The following CDYL2 variants were observed in gnomAD, a reference collection of about 807,000 sequenced individuals.
CDYL2 encodes chromodomain Y-like protein 2.
A neutral mutation model predicts 49.4 loss-of-function variants in CDYL2; 23 were observed. That is an observed-to-expected ratio of 0.47 (90% CI 0.34 to 0.66). The LOEUF (loss-of-function observed/expected upper bound fraction) is 0.66, where lower values mean the gene tolerates loss of function less well. Ranked by LOEUF, CDYL2 falls within the 30% of genes least tolerant of loss-of-function variation. The pLI is 0.01. For synonymous variants in CDYL2, 360 were observed against 268.8 expected, an observed-to-expected ratio of 1.34 and a Z score of -3.32; for missense variants, 678 against 656.4, an observed-to-expected ratio of 1.03 and a Z score of -0.36.
At chr16:80,641,930 A>ATC (rs1908111514) in intron 2 of CDYL2, among the ~76,000 whole-genome samples, 1 of 152,092 alleles carries the variant, frequency 6.6e-6, no homozygotes, top group African/African-American at 2.4e-5. Flanking sequence ...GAAAGAAATC[A>ATC]TCTGAAGGCA....
At chr16:80,773,670 A>T (rs1906983940) in intron 1 of CDYL2, among the ~76,000 whole-genome samples, 1 of 152,194 alleles carries the variant, frequency 6.6e-6, no homozygotes, top group Admixed American at 6.5e-5. Flanking sequence ...TTCATGTTTG[A>T]AAATTAAGAA....
rs370455214 is a variant in CDYL2, at chr16:80,760,926, G to T, written c.24+43224C>A. ...AAAAAGAAACATTAAGGGCCGGTGC[G>T]TCTGTGGATTTAATGCGCAAAGGTG... On this transcript the variant is annotated intron_variant, in intron 1 of 6. Coordinates refer to ENST00000570137, the MANE Select transcript of CDYL2 (RefSeq NM_152342.4). 4.5e-4 allele frequency among the ~76,000 whole-genome samples: 68 copies of T among 152,200 alleles called. No individual in the cohort carries two copies. In the Middle Eastern group the frequency reaches 0.01, roughly 23 times the overall value.
rs116142525 is a variant in CDYL2, at chr16:80,725,908, T to C, written c.25-40779A>G. 5.7e-3 allele frequency among the ~76,000 whole-genome samples: 872 copies of C among 152,294 alleles called. 7 individuals are homozygous for C. Among genetic ancestry groups the C allele is most frequent in the African/African-American group, 0.02 (826 of 41,554 alleles). ...CATTCAACCCACAGCTTCTAAGACA[T>C]TGGGGCATGAAGTTTTCATCTTCTG... On this transcript the variant is annotated intron_variant, in intron 1 of 6. Transcript: ENST00000570137.
rs1459337293 is a variant in CDYL2, at chr16:80,684,466, C to T, written c.616+72G>A. 2.8e-6 allele frequency: 4 copies of T among 1,430,032 alleles called. No homozygotes were observed. The African/African-American group carries it at 4.3e-5, about 15-fold the overall frequency. The allele number at this position is 1,430,032 out of a possible 1,614,324, so 88.6% of individuals were successfully genotyped here. ...ATGGAGGTGGGGGTCTTATGTATGT[C>T]CCTAGGCTACAGGCAGAGCTCCCCT... On this transcript the variant is annotated intron_variant, in intron 2 of 6. Coordinates refer to ENST00000570137, the MANE Select transcript of CDYL2 (RefSeq NM_152342.4).
intron 1 of CDYL2, among the ~76,000 whole-genome samples, chr16:80,700,585 G>C (rs1904295270): frequency 6.6e-6 from 1 of 152,152 alleles, no homozygotes; most frequent in Non-Finnish European, 1.5e-5. Context: ...TCACTAATCA[G>C]GGAAATGAAA....
intron 1 of CDYL2, among the ~76,000 whole-genome samples, chr16:80,690,999 T>C (rs1910392957): frequency 6.6e-6 from 1 of 152,062 alleles, no homozygotes; most frequent in Non-Finnish European, 1.5e-5. Context: ...TGGCACTGGA[T>C]TGAGAAATTG....
intron 1 of CDYL2, among the ~76,000 whole-genome samples, chr16:80,741,817 A>G (rs9921181): frequency 0.47 from 71,072 of 152,094 alleles, 18,351 homozygotes; most frequent in East Asian, 0.7. Context: ...GCATTCTCAT[A>G]CGGGGGAGCT....
At chr16:80,718,082 T>G (rs1270740849) in intron 1 of CDYL2, among the ~76,000 whole-genome samples, 1 of 152,148 alleles carries the variant, frequency 6.6e-6, no homozygotes, top group Non-Finnish European at 1.5e-5. Flanking sequence ...ATGTAGCAAC[T>G]GAGGTTCAGA....
At position 80,612,954 on chromosome 16, in the gene CDYL2, G is replaced by A. The variant is rs1005777826; in HGVS notation, c.1008-118C>T. 6.9e-6 allele frequency: 6 copies of A among 873,458 alleles called. No individual in the cohort carries two copies. Among genetic ancestry groups the A allele is most frequent in the South Asian group, 1.9e-5 (1 of 52,636 alleles). The allele number at this position is 873,458 out of a possible 1,614,324, so 54.1% of individuals were successfully genotyped here. On this transcript the variant is annotated intron_variant, in intron 4 of 6. Transcript: ENST00000570137. This position sits in a 1 kb window ranked among gnomAD's most constrained non-coding sequence, Gnocchi z 5.0. ...CCTCAGGTCGTCAGAGGTTAGAGGT[G>A]CCAGGCAAGGGCCTCATTGCCTGGA...
chr16:80,712,042 T>C (rs1904619537), intron 1 of CDYL2, among the ~76,000 whole-genome samples: 2 of 150,642 alleles, frequency 1.3e-5, no homozygotes, highest in South Asian at 4.2e-4. Context: ...TATATATATG[T>C]GTGTATATAG....
At chr16:80,668,134 C>A (rs1164567298) in intron 2 of CDYL2, among the ~76,000 whole-genome samples, 1 of 152,266 alleles carries the variant, frequency 6.6e-6, no homozygotes, top group Non-Finnish European at 1.5e-5. Context: ...CACAGAGGAA[C>A]AGTTAAGTCC....
In CDYL2 at chr16:80,761,391, G is replaced by C. The variant is rs146582359; in HGVS notation, c.24+42759C>G. Among the ~76,000 whole-genome samples, 29 of 152,284 alleles carry C rather than the reference G, an allele frequency of 1.9e-4. No homozygotes were observed. The East Asian group carries it at 5.0e-3, about 26-fold the overall frequency. On this transcript the variant is annotated intron_variant, in intron 1 of 6. Coordinates refer to ENST00000570137, the MANE Select transcript of CDYL2 (RefSeq NM_152342.4). ...ATCGAAGTATGCGTTTTCATCAAAC[G>C]GTTGTTGTAAGATTATAACACACCC... is the stretch of plus-strand genomic sequence containing the variant.
Position 80,637,297 on chromosome 16 carries a change from A to C in CDYL2, c.617-4061T>G, listed in dbSNP as rs184599957. Among the ~76,000 whole-genome samples, 208 of 152,298 alleles carry C rather than the reference A, an allele frequency of 1.4e-3. 1 individual carries two copies. Among genetic ancestry groups the C allele is most frequent in the Admixed American group, 5.2e-3 (79 of 15,290 alleles). ...AACATCTACAAAATACCTACAGATA[A>C]TGTCTTACTTAGCGGTGAGAAATGG... On this transcript the variant is annotated intron_variant, in intron 2 of 6. Transcript: ENST00000570137.
intron 1 of CDYL2, among the ~76,000 whole-genome samples, chr16:80,766,895 A>C (rs1906745828): frequency 3.3e-5 from 5 of 152,240 alleles, no homozygotes; most frequent in Admixed American, 3.3e-4. Context: ...TATACCAGGC[A>C]CTGGTTTTTA....
At chr16:80,739,466 C>G (rs139689734) in intron 1 of CDYL2, among the ~76,000 whole-genome samples, 1 of 152,162 alleles carries the variant, frequency 6.6e-6, no homozygotes, top group East Asian at 1.9e-4. Flanking sequence ...GATGCAAGAG[C>G]TAAAGAAAGA....
chr16:80,663,084 T>C lies in CDYL2; in HGVS notation c.616+21454A>G, dbSNP rs867310549. On this transcript the variant is annotated intron_variant, in intron 2 of 6. Coordinates refer to ENST00000570137, the MANE Select transcript of CDYL2 (RefSeq NM_152342.4). ...AAAAGCAAGAGGCTGGAAGATAGGA[T>C]AAAAAAATTGTGGTGTTGGGGGTCT... Among the ~76,000 whole-genome samples the C allele has an allele frequency of 9.1e-5, 9 of 98,548 alleles. No individual in the cohort carries two copies. In the South Asian group the frequency reaches 2.9e-3, roughly 32 times the overall value. 64.7% of individuals were successfully genotyped at this position (98,548 alleles called of 152,430 possible).
chr16:80,726,413 T>A (rs1392784406), intron 1 of CDYL2, among the ~76,000 whole-genome samples: 1 of 152,230 alleles, frequency 6.6e-6, no homozygotes. Flanking sequence ...AAAATAACAT[T>A]GAATTCTGAA....
intron 2 of CDYL2, among the ~76,000 whole-genome samples, chr16:80,633,962 G>A (rs1007132766): frequency 1.3e-5 from 2 of 152,164 alleles, no homozygotes; most frequent in Admixed American, 1.3e-4. Flanking sequence ...TACATCAGGA[G>A]CTCTGGGATG....
chr16:80,619,300 A>G (rs1472982443), intron 4 of CDYL2, among the ~76,000 whole-genome samples: 1 of 152,194 alleles, frequency 6.6e-6, no homozygotes, highest in Admixed American at 6.5e-5. Flanking sequence ...CACAGGTTCC[A>G]GGGATTGGCA....
Sources: allele counts gnomAD v4.1 joint callset (sites outside exome capture counted in the v4.1 genomes callset), GRCh38; gene constraint gnomAD v4.1.1; non-coding constraint Gnocchi (gnomAD v3.1); transcripts MANE v1.5; gene names NCBI Gene and HGNC (gene_info 2026-07-23, HGNC 2026-07-21).